PODN: variants seen among roughly 807,000 people sequenced by gnomAD.
The protein encoded by PODN is podocan proteoglycan.
A neutral mutation model predicts 52.7 loss-of-function variants in PODN; 40 were observed. The observed-to-expected ratio is 0.76, with a 90% CI of 0.59 to 0.99. The LOEUF is 0.99. Ranked by LOEUF, PODN falls within the 50% of genes least tolerant of loss-of-function variation. PODN has a pLI of 0.00. For missense variants in PODN, 720 were observed against 815.1 expected, an observed-to-expected ratio of 0.88 and a Z score of 1.42; for synonymous variants, 396 against 377.9, an observed-to-expected ratio of 1.05 and a Z score of -0.56.
In PODN at chr1:53,077,789, C is replaced by T. The variant is rs567995586; in HGVS notation, c.843C>T (p.Asn281=). 34 of 1,613,388 alleles carry T rather than the reference C, an allele frequency of 2.1e-5. No homozygotes were observed. Among genetic ancestry groups the T allele is most frequent in the Admixed American group, 6.7e-5 (4 of 59,998 alleles). The change falls in exon 7 of 11, where the codon AAC becomes AAT. Residue 281 remains asparagine, a synonymous_variant. Transcript: ENST00000312553. The part of the protein sequence containing the change: ...NNYLTDEGLD[N]ETFWKLSSLE... ...ACCTGACTGACGAGGGCCTGGACAA[C>T]GAGACCTTCTGGTGAGTCCTTGTCT... is the stretch of plus-strand genomic sequence containing the variant.
intron 1 of PODN, among the ~76,000 whole-genome samples, chr1:53,063,717 C>T (rs1286496829): frequency 6.6e-6 from 1 of 152,204 alleles, no homozygotes; most frequent in Admixed American, 6.5e-5. Flanking sequence ...CGACTGTTTT[C>T]ATGTCATCTG....
At chr1:53,063,170 C>T (rs373528760) in intron 1 of PODN, among the ~76,000 whole-genome samples, 1 of 152,164 alleles carries the variant, frequency 6.6e-6, no homozygotes. Flanking sequence ...GGCTGCGAGG[C>T]TCCTGGCAGC....
Position 53,077,357 on chromosome 1 carries a change from G to T in PODN, c.738+11G>T, listed in dbSNP as rs377622392. The stretch of plus-strand genomic sequence containing the variant: ...AAGCTGCACCTCAAGGTGGGCAGGG[G>T]AGGGGTAAGGAGGGGCACAGCAGAC... On this transcript the variant is annotated intron_variant, in intron 6 of 10. Coordinates refer to ENST00000312553, the MANE Select transcript of PODN (RefSeq NM_153703.5). 1.2e-6 allele frequency: 2 copies of T among 1,612,168 alleles called. No homozygotes were observed. The highest frequency in any genetic ancestry group is 1.7e-5 in the Admixed American group (1 of 59,976).
Position 53,063,560 on chromosome 1 carries a change from G to T in PODN, c.-56+1252G>T, listed in dbSNP as rs1340036239. 3 of 985,380 alleles carry T rather than the reference G, an allele frequency of 3.0e-6. No individual in the cohort carries two copies. The East Asian group carries it at 3.4e-4, about 112-fold the overall frequency. 61.0% of individuals were successfully genotyped at this position (985,380 alleles called of 1,614,324 possible). On this transcript the variant is annotated intron_variant, in intron 1 of 10. Coordinates refer to ENST00000312553, the MANE Select transcript of PODN (RefSeq NM_153703.5). Reference sequence around the variant, plus strand: ...ATCTGCAGGCGCACAGCATTCCGAGGTAGGTCACTCAGAAGAGCCCGTGGA... The same window carrying T: ...ATCTGCAGGCGCACAGCATTCCGAGTTAGGTCACTCAGAAGAGCCCGTGGA...
intron 7 of PODN, among the ~76,000 whole-genome samples, 173 bp from the exon 8 acceptor site, chr1:53,078,192 A>G (rs559342002): frequency 1.6e-4 from 24 of 152,312 alleles, no homozygotes; most frequent in Non-Finnish European, 3.4e-4. Flanking sequence ...TCCTTCCTAC[A>G]CCAGAATATC....
intron 10 of PODN, among the ~76,000 whole-genome samples, chr1:53,082,531 G>A (rs1307402886): frequency 6.6e-6 from 1 of 152,194 alleles, no homozygotes; most frequent in Non-Finnish European, 1.5e-5. Flanking sequence ...AAGCTGCAGG[G>A]GGCTGGGGAA....
chr1:53,082,323 A>G (rs1395753518), intron 10 of PODN, 135 bp downstream of exon 10: 2 of 1,254,644 alleles, frequency 1.6e-6, no homozygotes, highest in South Asian at 1.8e-5. Flanking sequence ...AATTTATAAG[A>G]GCACTTGGGA....
chr1:53,076,660 T>TTA (rs888558064), intron 5 of PODN, among the ~76,000 whole-genome samples: 39 of 151,350 alleles, frequency 2.6e-4, no homozygotes, highest in East Asian at 7.7e-4. Flanking sequence ...TATACACCTT[T>TTA]TATATATATA....
Position 53,070,125 on chromosome 1 carries a change from C to T in PODN, c.270C>T (p.Phe90=), listed in dbSNP as rs1484421493. ...GTGGCGGTATTGACCTGCGTGAGTT[C>T]CCGGGGGACCTGCCTGAGCACACCA... ...VDCGGIDLRE[F]PGDLPEHTNH... Residue 90 remains phenylalanine (F), a synonymous_variant, in exon 2 of 11, where the codon TTC becomes TTT. Coordinates refer to ENST00000312553, the MANE Select transcript of PODN (RefSeq NM_153703.5). 2.5e-6 allele frequency: 4 copies of T among 1,611,698 alleles called. No individual in the cohort carries two copies. The highest frequency in any genetic ancestry group is 2.5e-6 in the Non-Finnish European group (3 of 1,179,960).
At chr1:53,074,797 T>C (rs554598439) in intron 4 of PODN, 127 bp downstream of exon 4, 75 of 292,120 alleles carry the variant, frequency 2.6e-4, no homozygotes, top group South Asian at 2.3e-3. Flanking sequence ...TGCTCAGACA[T>C]GGCCCTGGGT....
At chr1:53,062,948 T>A (rs1268001350) in intron 1 of PODN, among the ~76,000 whole-genome samples, 1 of 152,210 alleles carries the variant, frequency 6.6e-6, no homozygotes, top group Non-Finnish European at 1.5e-5. Flanking sequence ...TCCGTCTATC[T>A]GTCTACGCGG....
chr1:53,067,526 A>C (rs1644050660), intron 1 of PODN, among the ~76,000 whole-genome samples: 1 of 151,998 alleles, frequency 6.6e-6, no homozygotes. Flanking sequence ...GTGGTATCTG[A>C]ACTCCCACAG....
chr1:53,067,935 A>AT (rs928929860), intron 1 of PODN, among the ~76,000 whole-genome samples: 4 of 150,460 alleles, frequency 2.7e-5, no homozygotes, highest in African/African-American at 7.3e-5. Flanking sequence ...AAAAAAAAAA[A>AT]GCCCAGCAAG....
chr1:53,068,726 T>C (rs991243112), intron 1 of PODN, among the ~76,000 whole-genome samples: 1 of 152,122 alleles, frequency 6.6e-6, no homozygotes, highest in African/African-American at 2.4e-5. Flanking sequence ...CAGCATGTCT[T>C]ATCAGAGCCC....
At position 53,075,893 on chromosome 1, in the gene PODN, C is replaced by G; in HGVS notation, c.503C>G (p.Ala168Gly). 1 of 1,605,634 alleles carries G rather than the reference C, an allele frequency of 6.2e-7. No homozygotes were observed. The highest frequency in any genetic ancestry group is 8.5e-7 in the Non-Finnish European group (1 of 1,175,262). Residue 168 changes from alanine to glycine, a missense_variant, in exon 5 of 11, where the codon GCC (alanine) becomes GGC (glycine). Transcript: ENST00000312553. ...LTLAPRFLPN[A>G]LISVDFAANY... is the part of the protein sequence containing the mutation. ...TTGGCACCCCGCTTCCTGCCAAACG[C>G]CCTGATCAGTGTGGACTTTGCTGCC...
At position 53,081,008 on chromosome 1, in the gene PODN, G is replaced by A. The variant is rs1644288086; in HGVS notation, c.1661+132G>A. The A allele has an allele frequency of 3.9e-6, 5 of 1,278,118 alleles. No individual in the cohort carries two copies. In the Admixed American group the frequency reaches 6.6e-5, roughly 17 times the overall value. 79.2% of individuals were successfully genotyped at this position (1,278,118 alleles called of 1,614,324 possible). ...AACCACGGCTCAGATCTCAAGGGTGGGGACAGTCCTGGCCAGGCCCGATAT... is the reference window on the plus strand; with the variant it reads ...AACCACGGCTCAGATCTCAAGGGTGAGGACAGTCCTGGCCAGGCCCGATAT... On this transcript the variant is annotated intron_variant, in intron 9 of 10. Transcript: ENST00000312553.
chr1:53,067,493 G>C (rs1193122126), intron 1 of PODN, among the ~76,000 whole-genome samples: 1 of 152,094 alleles, frequency 6.6e-6, no homozygotes, highest in Non-Finnish European at 1.5e-5. Flanking sequence ...CAGAGAACTG[G>C]GTGAACCACC....
intron 1 of PODN, among the ~76,000 whole-genome samples, chr1:53,066,006 T>C (rs1644027241): frequency 6.7e-6 from 1 of 148,778 alleles, no homozygotes; most frequent in South Asian, 2.2e-4. Flanking sequence ...TTTTTTTTTT[T>C]TTTTTTTTTG....
chr1:53,076,085 G>A (rs899023293), intron 5 of PODN, 114 bp downstream of exon 5: 32 of 919,702 alleles, frequency 3.5e-5, no homozygotes, highest in Admixed American at 1.6e-4. Flanking sequence ...TGCACTCAGG[G>A]CTGTGGTGGA....
Sources: allele counts gnomAD v4.1 joint callset (sites outside exome capture counted in the v4.1 genomes callset), GRCh38; gene constraint gnomAD v4.1.1; transcripts MANE v1.5; gene names NCBI Gene and HGNC (gene_info 2026-07-23, HGNC 2026-07-21).